TMPRSS15: variants seen among roughly 807,000 people sequenced by gnomAD.
TMPRSS15 encodes the protein transmembrane serine protease 15, also known as enteropeptidase.
A neutral mutation model predicts 125.3 loss-of-function variants in TMPRSS15; 128 were observed. The ratio of observed to expected loss-of-function variants is 1.02; its 90% CI spans 0.89 to 1.18. TMPRSS15 has a LOEUF of 1.18. Among genes scored for constraint, TMPRSS15 ranks in the 50% most tolerant of loss-of-function variants. The pLI is 0.00. For missense variants in TMPRSS15, 1,283 were observed against 1,212.7 expected (o/e 1.06, Z -0.86); for synonymous variants, 446 against 423.2 (o/e 1.05, Z -0.66).
chr21:18,276,367 C>G (rs571525613), intron 23 of TMPRSS15, among the ~76,000 whole-genome samples: 7 of 152,078 alleles, frequency 4.6e-5, no homozygotes, highest in Admixed American at 2.6e-4. Flanking sequence ...TTTCAAGGTA[C>G]CAGCATGGCA....
At chr21:18,323,336 A>C (rs2075258149) in intron 16 of TMPRSS15, among the ~76,000 whole-genome samples, 1 of 152,194 alleles carries the variant, frequency 6.6e-6, no homozygotes, top group South Asian at 2.1e-4. Flanking sequence ...CTTCATAATC[A>C]TGGCAGGCAA....
rs143733199 is a variant in TMPRSS15, at chr21:18,325,139, GTTC to G, written c.1921+1290_1921+1292del. Among the ~76,000 whole-genome samples, 1,487 of 151,898 alleles carry G rather than the reference GTTC, an allele frequency of 9.8e-3. 23 individuals carry two copies. Among genetic ancestry groups the G allele is most frequent in the African/African-American group, 0.034 (1,407 of 41,424 alleles). On this transcript the variant is annotated intron_variant, in intron 16 of 24. Coordinates refer to ENST00000284885, the MANE Select transcript of TMPRSS15 (RefSeq NM_002772.3). ...TGATATTTGCATCTCAATGTATTTT[GTTC>G]TTTACCTAACAAAATCATGTCATTT... is the stretch of plus-strand genomic sequence containing the variant.
intron 7 of TMPRSS15, among the ~76,000 whole-genome samples, chr21:18,360,508 C>A (rs114618834): frequency 0.011 from 1,607 of 152,154 alleles, 37 homozygotes; most frequent in African/African-American, 0.037. Context: ...ATAGCAGCTG[C>A]ACCATTTCAG....
chr21:18,331,648 G>A (rs1383736289), intron 14 of TMPRSS15, among the ~76,000 whole-genome samples: 4 of 152,072 alleles, frequency 2.6e-5, no homozygotes, highest in African/African-American at 4.8e-5. Flanking sequence ...TGCTACAACT[G>A]GTTCTTTACT....
At chr21:18,314,403 G>A (rs983888500) in intron 17 of TMPRSS15, among the ~76,000 whole-genome samples, 3 of 151,892 alleles carry the variant, frequency 2.0e-5, no homozygotes, top group South Asian at 2.1e-4. Context: ...CTCAGCCTCC[G>A]GAGTAGCTGG....
intron 18 of TMPRSS15, among the ~76,000 whole-genome samples, chr21:18,299,184 G>A (rs1321509485): frequency 6.6e-6 from 1 of 152,184 alleles, no homozygotes; most frequent in Non-Finnish European, 1.5e-5. Context: ...GTGGGCAGAA[G>A]GAAAATCTCA....
intron 1 of TMPRSS15, chr21:18,460,748 C>T (rs2122951903): frequency 8.5e-5 from 13 of 152,166 alleles, no homozygotes; most frequent in Non-Finnish European, 8.8e-5. Context: ...GGATGAGACT[C>T]ATCCACATAA....
At chr21:18,288,097 CA>C (rs2074787237) in intron 21 of TMPRSS15, among the ~76,000 whole-genome samples, 1 of 152,154 alleles carries the variant, frequency 6.6e-6, no homozygotes, top group Non-Finnish European at 1.5e-5. Context: ...TGTTCATCAA[CA>C]GACGACTGGA....
Position 18,438,692 on chromosome 21 carries a change from A to C in TMPRSS15, c.11-40363T>G, listed in dbSNP as rs79483404. ...GCACCATAAGCTATACCTGGCCCTG[A>C]GTCACAGTAGGAAAATCAGCAGCAA... On this transcript the variant is annotated intron_variant, in intron 1 of 7. Transcript: ENST00000422787. Among the ~76,000 whole-genome samples, 980 of 152,338 alleles carry C rather than the reference A, an allele frequency of 6.4e-3. 7 individuals carry two copies. Among genetic ancestry groups the C allele is most frequent in the Middle Eastern group, 0.014 (4 of 294 alleles).
intron 6 of TMPRSS15, among the ~76,000 whole-genome samples, chr21:18,367,018 CT>C (rs888588488): frequency 9.9e-5 from 15 of 151,022 alleles, no homozygotes; most frequent in African/African-American, 3.4e-4. Flanking sequence ...TGGGTTTTTG[CT>C]TTTTTTTGGT....
At chr21:18,354,442 G>A (rs1026310611) in intron 8 of TMPRSS15, among the ~76,000 whole-genome samples, 39 of 150,584 alleles carry the variant, frequency 2.6e-4, no homozygotes, top group Non-Finnish European at 4.1e-4. Flanking sequence ...ATTTTTGATT[G>A]TCAAGAGTTA....
intron 1 of TMPRSS15, among the ~76,000 whole-genome samples, chr21:18,480,997 T>A (rs1030633832): frequency 6.6e-6 from 1 of 151,730 alleles, no homozygotes; most frequent in Admixed American, 6.6e-5. Flanking sequence ...CTAATCGAAC[T>A]CAAACAAGTC....
intron 1 of TMPRSS15, among the ~76,000 whole-genome samples, chr21:18,420,473 C>T (rs760528837): frequency 2.6e-5 from 4 of 152,148 alleles, no homozygotes; most frequent in Non-Finnish European, 5.9e-5. Context: ...CAAGTTGTAG[C>T]GAAGGTTAAA....
At chr21:18,333,102 G>A (rs940605688) in intron 13 of TMPRSS15, among the ~76,000 whole-genome samples, 1 of 152,124 alleles carries the variant, frequency 6.6e-6, no homozygotes, top group African/African-American at 2.4e-5. Context: ...GGAGGGTGGA[G>A]AGTGGTAGGA....
chr21:18,400,239 T>C (rs542173379), intron 1 of TMPRSS15, among the ~76,000 whole-genome samples: 1 of 152,246 alleles, frequency 6.6e-6, no homozygotes. Context: ...AAAATTCATA[T>C]GGAACTAGGA....
intron 24 of TMPRSS15, among the ~76,000 whole-genome samples, chr21:18,274,326 A>T (rs1242006201): frequency 1.3e-5 from 2 of 152,220 alleles, no homozygotes; most frequent in Non-Finnish European, 2.9e-5. Context: ...TAGTCTGAAC[A>T]TAGAATCCAT....
At chr21:18,411,968 G>T (rs923169953) in intron 1 of TMPRSS15, among the ~76,000 whole-genome samples, 1 of 152,058 alleles carries the variant, frequency 6.6e-6, no homozygotes, top group Non-Finnish European at 1.5e-5. Flanking sequence ...CCTCGTAGGG[G>T]TTACCACACT....
chr21:18,284,680 T>C (rs903199437), intron 21 of TMPRSS15, among the ~76,000 whole-genome samples: 2 of 152,168 alleles, frequency 1.3e-5, no homozygotes, highest in African/African-American at 4.8e-5. Context: ...CCACCTGGAA[T>C]AGGAAATCCC....
chr21:18,398,111 C>T (rs1342289763), intron 2 of TMPRSS15, 88 bp downstream of exon 2: 1 of 1,490,848 alleles, frequency 6.7e-7, no homozygotes, highest in African/African-American at 1.4e-5. Context: ...TACATTTATT[C>T]TCTAGTTGTT....
Sources: gnomAD v4.1 joint callset for allele counts (sites outside exome capture counted in the v4.1 genomes callset) on GRCh38, gnomAD v4.1.1 for gene constraint, MANE v1.5 for transcripts, NCBI Gene and HGNC (gene_info 2026-07-23, HGNC 2026-07-21) for gene names.